MRPS9: variants seen among roughly 807,000 people sequenced by gnomAD.
The protein encoded by MRPS9 is small ribosomal subunit protein uS9m.
In MRPS9, 45 loss-of-function variants were observed where a neutral mutation model predicts 59.9. That is an observed-to-expected ratio of 0.75 (90% CI 0.59 to 0.96). The LOEUF is 0.96. Among genes scored for constraint, MRPS9 ranks in the 40% least tolerant of loss-of-function variants. The probability of loss-of-function intolerance (pLI) is 0.00; values close to 1 mark genes in which losing one functional copy is unlikely to be tolerated. For synonymous variants in MRPS9, 171 were observed against 166.8 expected, an observed-to-expected ratio of 1.03 and a Z score of -0.19; for missense variants, 473 against 481.1, an observed-to-expected ratio of 0.98 and a Z score of 0.16.
intron 2 of MRPS9, among the ~76,000 whole-genome samples, chr2:105,050,598 A>G (rs1393114761): frequency 6.6e-6 from 1 of 152,214 alleles, no homozygotes. Flanking sequence ...ATACCATGAG[A>G]TGTTAGATAT....
intron 5 of MRPS9, among the ~76,000 whole-genome samples, chr2:105,081,277 G>A (rs1324685632): frequency 6.6e-6 from 1 of 152,232 alleles, no homozygotes. Context: ...GCTGTCGGAG[G>A]GGATGATGGA....
At chr2:105,050,904 C>T (rs750741675) in intron 2 of MRPS9, among the ~76,000 whole-genome samples, 7 of 152,174 alleles carry the variant, frequency 4.6e-5, no homozygotes, top group Non-Finnish European at 7.4e-5. Flanking sequence ...TGTTTATCTA[C>T]ATTGTGGCAT....
intron 4 of MRPS9, among the ~76,000 whole-genome samples, chr2:105,078,110 G>A (rs376452966): frequency 6.1e-5 from 9 of 146,738 alleles, no homozygotes; most frequent in African/African-American, 1.8e-4. Flanking sequence ...CTGGCAGCAC[G>A]TGTTTGTGCC....
At chr2:105,072,623 T>C (rs1012939630) in intron 4 of MRPS9, among the ~76,000 whole-genome samples, 1 of 152,090 alleles carries the variant, frequency 6.6e-6, no homozygotes, top group Non-Finnish European at 1.5e-5. Context: ...GTGGATCTAC[T>C]TGAGAATAGC....
At chr2:105,093,278 A>T (rs1165361445) in intron 8 of MRPS9, among the ~76,000 whole-genome samples, 1 of 152,162 alleles carries the variant, frequency 6.6e-6, no homozygotes, top group African/African-American at 2.4e-5. Context: ...GGTTGTTCAA[A>T]CTAATTTAAA....
chr2:105,062,695 A>G (rs1164373441), intron 2 of MRPS9, among the ~76,000 whole-genome samples: 2 of 152,244 alleles, frequency 1.3e-5, no homozygotes, highest in Non-Finnish European at 2.9e-5. Flanking sequence ...TTGCATGATT[A>G]AAATTAATTG....
chr2:105,095,114 A>G (rs1363816459), intron 9 of MRPS9, among the ~76,000 whole-genome samples: 1 of 152,184 alleles, frequency 6.6e-6, no homozygotes, highest in East Asian at 1.9e-4. Flanking sequence ...GTAAGGATTT[A>G]GGGCAGTCAC....
chr2:105,083,745 A>C (rs1680392682), intron 5 of MRPS9, among the ~76,000 whole-genome samples: 2 of 152,178 alleles, frequency 1.3e-5, no homozygotes, highest in Admixed American at 1.3e-4. Flanking sequence ...CATATTGTGT[A>C]CTGGGGAACT....
chr2:105,074,607 T>C (rs1167485889), intron 4 of MRPS9, among the ~76,000 whole-genome samples: 4 of 152,194 alleles, frequency 2.6e-5, no homozygotes, highest in Non-Finnish European at 4.4e-5. Flanking sequence ...TTTTCCCCAC[T>C]GCACAAATGT....
At chr2:105,098,269 A>T (rs187013741) in intron 10 of MRPS9, 2 of 152,330 alleles carry the variant, frequency 1.3e-5, no homozygotes, top group East Asian at 3.9e-4. Flanking sequence ...CGCACTGTTG[A>T]TGAGAAGAGG....
At chr2:105,059,537 G>A (rs57776637) in intron 2 of MRPS9, among the ~76,000 whole-genome samples, 11,351 of 151,846 alleles carry the variant, frequency 0.075, 576 homozygotes, top group East Asian at 0.27. Flanking sequence ...CATTAACTGA[G>A]TCCCAATTGA....
intron 4 of MRPS9, among the ~76,000 whole-genome samples, chr2:105,074,984 C>A (rs557010040): frequency 2.6e-5 from 4 of 152,038 alleles, no homozygotes; most frequent in African/African-American, 9.7e-5. Context: ...TACAACTCAC[C>A]GTAATGTAGA....
At chr2:105,051,284 T>A (rs1254281514) in intron 2 of MRPS9, among the ~76,000 whole-genome samples, 1 of 152,220 alleles carries the variant, frequency 6.6e-6, no homozygotes, top group Non-Finnish European at 1.5e-5. Context: ...TGTTCCGGCA[T>A]CATTTGTTGG....
intron 7 of MRPS9, chr2:105,091,311 C>G (rs1205473379): frequency 1.7e-5 from 8 of 470,920 alleles, no homozygotes; most frequent in South Asian, 1.1e-4. Flanking sequence ...ACCCATAGTG[C>G]CCCTTTGTAG....
Position 105,093,604 on chromosome 2 carries a change from G to A in MRPS9, c.895G>A (p.Asp299Asn), listed in dbSNP as rs200796955. ...TGGAAGAATAAAAGTAAATGGAATT[G>A]ATTACCAGCTTTACTTCCCGATCAC... The part of the protein sequence containing the change: ...GSGRIKVNGI[D>N]YQLYFPITQD... Residue 299 changes from aspartate (D) to asparagine (N), a missense_variant, in exon 9 of 11, where the codon GAT (aspartate) becomes AAT (asparagine). Asp to Asn is a conservative substitution (Grantham distance 23). Transcript: ENST00000258455. 69 of 1,606,632 alleles carry A rather than the reference G, an allele frequency of 4.3e-5. No individual in the cohort carries two copies. The highest frequency in any genetic ancestry group is 1.7e-5 in the Non-Finnish European group (20 of 1,176,302).
At chr2:105,052,436 T>C (rs1455024121) in intron 2 of MRPS9, among the ~76,000 whole-genome samples, 1 of 152,210 alleles carries the variant, frequency 6.6e-6, no homozygotes, top group Non-Finnish European at 1.5e-5. Context: ...ATCACACAAA[T>C]TGATTTTTGT....
Position 105,049,328 on chromosome 2 carries a change from C to T in MRPS9, c.293C>T (p.Thr98Ile). The change falls in exon 2 of 11, where the codon ACT becomes ATT. Residue 98 changes from threonine to isoleucine, a missense_variant. By Grantham distance (89) the Thr-to-Ile change is moderately conservative. Transcript: ENST00000258455. ...LANMMGEDPE[T>I]FTQEDIDRAI... is the part of the protein sequence containing the mutation. Reference sequence around the variant, plus strand: ...AACATGATGGGAGAAGATCCAGAAACTTTCACTCAAGAAGATATTGACGTA... The same window carrying T: ...AACATGATGGGAGAAGATCCAGAAATTTTCACTCAAGAAGATATTGACGTA... 6.2e-7 allele frequency: 1 copy of T among 1,611,136 alleles called. No homozygotes were observed. The highest frequency in any genetic ancestry group is 8.5e-7 in the Non-Finnish European group (1 of 1,179,214).
intron 2 of MRPS9, among the ~76,000 whole-genome samples, chr2:105,057,862 C>G (rs1163819185): frequency 6.6e-6 from 1 of 152,278 alleles, no homozygotes; most frequent in East Asian, 1.9e-4. Context: ...TGAATACAGA[C>G]TTGCACTTGC....
chr2:105,058,438 TAA>T (rs1260827206), intron 2 of MRPS9, among the ~76,000 whole-genome samples: 2 of 152,204 alleles, frequency 1.3e-5, no homozygotes, highest in Non-Finnish European at 2.9e-5. Context: ...TACTTTGATT[TAA>T]GTCTAAGAAC....
Sources: allele counts gnomAD v4.1 joint callset (sites outside exome capture counted in the v4.1 genomes callset), GRCh38; gene constraint gnomAD v4.1.1; transcripts MANE v1.5; gene names NCBI Gene and HGNC (gene_info 2026-07-23, HGNC 2026-07-21).